The following MTHFD1L variants were observed in gnomAD, a reference collection of about 807,000 sequenced individuals.
MTHFD1L encodes methylenetetrahydrofolate dehydrogenase (NADP+ dependent) 1 like.
A neutral mutation model predicts 119.5 loss-of-function variants in MTHFD1L; 81 were observed. The ratio of observed to expected loss-of-function variants is 0.68; its 90% confidence interval spans 0.57 to 0.82. The LOEUF (loss-of-function observed/expected upper bound fraction) is 0.82, where lower values mean the gene tolerates loss of function less well. MTHFD1L is among the 40% of genes least tolerant of loss of function. MTHFD1L has a pLI of 0.00. For synonymous variants in MTHFD1L, 430 were observed against 475.2 expected (o/e 0.90, Z 1.24); for missense variants, 1,125 against 1,253.4 (o/e 0.90, Z 1.55).
At chr6:150,952,854 G>A (rs956368618) in intron 16 of MTHFD1L, among the ~76,000 whole-genome samples, 4 of 152,176 alleles carry the variant, frequency 2.6e-5, no homozygotes, top group Admixed American at 6.5e-5. Context: ...GCCTCATACC[G>A]AAAGTTTAAA....
chr6:151,091,096 T>C (rs1355651290), intron 26 of MTHFD1L, among the ~76,000 whole-genome samples: 12 of 139,936 alleles, frequency 8.6e-5, no homozygotes, highest in African/African-American at 2.9e-4. Context: ...GCAGCATCGT[T>C]CCATGCGACT....
At chr6:150,966,776 A>G (rs967493756) in intron 19 of MTHFD1L, among the ~76,000 whole-genome samples, 5 of 152,194 alleles carry the variant, frequency 3.3e-5, no homozygotes, top group African/African-American at 1.2e-4. Context: ...GTGAACTGAG[A>G]TTGCACCACT....
chr6:150,961,741 C>A (rs11155763), intron 18 of MTHFD1L, among the ~76,000 whole-genome samples: 1 of 151,494 alleles, frequency 6.6e-6, no homozygotes, highest in Non-Finnish European at 1.5e-5. Context: ...AATAGATCAA[C>A]GTATGTCGCA....
rs966529335 is a variant in MTHFD1L at position 150,884,203 on chromosome 6, A to G, written c.542+1317A>G. Among the ~76,000 whole-genome samples the G allele has an allele frequency of 2.7e-5, 4 of 148,532 alleles. No homozygotes were observed. In the Admixed American group the frequency reaches 2.7e-4, roughly 10 times the overall value. On this transcript the variant is annotated intron_variant, in intron 5 of 27. Coordinates refer to ENST00000367321, the MANE Select transcript of MTHFD1L (RefSeq NM_015440.5). ...GTTGCCCAGGCTGGAGTGCAGTGAC[A>G]CGATCTCGGCTCACTGCAAGCTCTG...
chr6:150,870,517 A>G (rs1433858900), intron 1 of MTHFD1L, among the ~76,000 whole-genome samples: 1 of 152,174 alleles, frequency 6.6e-6, no homozygotes, highest in Non-Finnish European at 1.5e-5. Context: ...ATCGCAGTAA[A>G]ACGAGTCACA....
chr6:150,865,812 C>T lies in MTHFD1L; in HGVS notation c.-11C>T, dbSNP rs1778193892. The T allele has an allele frequency of 3.1e-6, 4 of 1,286,602 alleles. No individual in the cohort carries two copies. The highest frequency in any genetic ancestry group is 4.0e-6 in the Non-Finnish European group (4 of 1,009,060). 79.7% of individuals were successfully genotyped at this position (1,286,602 alleles called of 1,614,324 possible). A position where few individuals can be genotyped will look rare whatever the true frequency, so the allele number is the denominator to read the frequency against. ...AGCTCCGTGTCCCCTGAGAACCAGC[C>T]GTCCCGCGCCATGGGCACGCGTCTG... On this transcript the variant is annotated 5_prime_UTR_variant, in exon 1 of 28. Transcript: ENST00000367321.
chr6:150,981,393 C>T (rs1242914878), intron 20 of MTHFD1L, among the ~76,000 whole-genome samples: 5 of 152,202 alleles, frequency 3.3e-5, no homozygotes, highest in Non-Finnish European at 5.9e-5. Context: ...ACCGCGTTTC[C>T]GTCAAAAATT....
chr6:150,987,722 C>T (rs1300497932), intron 20 of MTHFD1L, among the ~76,000 whole-genome samples: 9 of 152,186 alleles, frequency 5.9e-5, no homozygotes, highest in Admixed American at 5.9e-4. Flanking sequence ...CAGCATCATA[C>T]AGCCCTGTGC....
intron 7 of MTHFD1L, among the ~76,000 whole-genome samples, chr6:150,903,257 G>A (rs996842981): frequency 3.6e-5 from 4 of 112,644 alleles, no homozygotes; most frequent in Admixed American, 2.7e-4. Context: ...TTGCTCCATC[G>A]CCCAGGCTGG....
intron 13 of MTHFD1L, among the ~76,000 whole-genome samples, chr6:150,943,263 A>G (rs771312109): frequency 5.3e-5 from 8 of 151,824 alleles, no homozygotes; most frequent in Non-Finnish European, 1.0e-4. Flanking sequence ...TGAAAGAGCG[A>G]AACTCCGTCT....
chr6:151,024,487 G>T (rs1006448691), intron 24 of MTHFD1L, among the ~76,000 whole-genome samples: 1 of 151,920 alleles, frequency 6.6e-6, no homozygotes, highest in Non-Finnish European at 1.5e-5. Flanking sequence ...AGGTTGCAGT[G>T]AGCCAAGATC....
intron 11 of MTHFD1L, among the ~76,000 whole-genome samples, chr6:150,928,296 C>T (rs1232313662): frequency 2.0e-5 from 3 of 151,702 alleles, no homozygotes; most frequent in Non-Finnish European, 2.9e-5. Context: ...ATTAGCCAGG[C>T]GTGGTGGCAG....
rs576951739 is a variant in MTHFD1L at position 150,940,869 on chromosome 6, C to T, written c.1440+2124C>T. ...TGCTAGGATTACAGGCGTGAGCCAC[C>T]GCGCCCAGCCAAGAAGACTACCTTA... On this transcript the variant is annotated intron_variant, in intron 13 of 27. Transcript: ENST00000367321. Among the ~76,000 whole-genome samples, 19 of 152,246 alleles carry T rather than the reference C, an allele frequency of 1.2e-4. No homozygotes were observed. The South Asian group carries it at 1.5e-3, about 12-fold the overall frequency.
At chr6:150,931,439 G>A (rs977396902) in intron 11 of MTHFD1L, among the ~76,000 whole-genome samples, 1 of 151,778 alleles carries the variant, frequency 6.6e-6, no homozygotes, top group Non-Finnish European at 1.5e-5. Flanking sequence ...TCTTTTATTT[G>A]TGCTACTTCT....
chr6:151,067,693 T>TA (rs1401644389), intron 26 of MTHFD1L, among the ~76,000 whole-genome samples: 1 of 152,242 alleles, frequency 6.6e-6, no homozygotes. Context: ...TGTTGTGTGT[T>TA]AAACATAAAT....
In MTHFD1L at chr6:150,882,902, C is replaced by G. The variant is rs2128758806; in HGVS notation, c.542+16C>G. On this transcript the variant is annotated intron_variant, in intron 5 of 27. Transcript: ENST00000367321. ...ATGTGGATGGGTAAGAAAATAAAAT[C>G]AAATAATCAACCTTTATGGCTAAAT... 6.4e-7 allele frequency: 1 copy of G among 1,559,072 alleles called. No homozygotes were observed. Among genetic ancestry groups the G allele is most frequent in the Non-Finnish European group, 8.6e-7 (1 of 1,162,558 alleles).
At chr6:151,053,646 G>A (rs991247016) in intron 26 of MTHFD1L, among the ~76,000 whole-genome samples, 6 of 152,066 alleles carry the variant, frequency 3.9e-5, no homozygotes, top group African/African-American at 7.2e-5. Flanking sequence ...GATCACCTGA[G>A]GTCGGGAATT....
intron 24 of MTHFD1L, among the ~76,000 whole-genome samples, chr6:151,027,898 G>A (rs1310738912): frequency 6.6e-6 from 1 of 152,190 alleles, no homozygotes; most frequent in East Asian, 1.9e-4. Flanking sequence ...TATTCAGCAT[G>A]TGGCTGCAGG....
chr6:151,061,093 G>A (rs1475759128), intron 26 of MTHFD1L, among the ~76,000 whole-genome samples: 1 of 152,146 alleles, frequency 6.6e-6, no homozygotes, highest in African/African-American at 2.4e-5. Flanking sequence ...TAATGACTGG[G>A]GTTGTCATTT....
Sources: allele counts gnomAD v4.1 joint callset (sites outside exome capture counted in the v4.1 genomes callset), GRCh38; gene constraint gnomAD v4.1.1; transcripts MANE v1.5; gene names NCBI Gene and HGNC (gene_info 2026-07-23, HGNC 2026-07-21).